The following ENG variants were observed in gnomAD, a reference collection of about 807,000 sequenced individuals.
ENG encodes the protein endoglin.
In ENG, 17 loss-of-function variants were observed where a neutral mutation model predicts 71.0. The observed-to-expected ratio is 0.24, with a 90% CI of 0.16 to 0.36. ENG has a LOEUF of 0.36. Ranked by LOEUF, ENG falls within the 10% of genes least tolerant of loss-of-function variation. The pLI is 1.00. For missense variants in ENG, 749 were observed against 868.3 expected (o/e 0.86, Z 1.73); for synonymous variants, 360 against 366.9 (o/e 0.98, Z 0.21).
rs779974705 is a variant in ENG, at chr9:127,815,901, G to A, written c.1852+42C>T. The A allele has an allele frequency of 5.8e-5, 92 of 1,574,510 alleles. No homozygotes were observed. The Middle Eastern group carries it at 1.4e-3, about 24-fold the overall frequency. The stretch of plus-strand genomic sequence containing the variant: ...TTCACTGGGCTCCCCCGGGTGGATG[G>A]AGGGGCCCGGCATGCTCACTGTGGG... On this transcript the variant is annotated intron_variant, in intron 14 of 14. Coordinates refer to ENST00000373203, the MANE Select transcript of ENG (RefSeq NM_001114753.3).
rs771265683 is a variant in ENG, at chr9:127,817,126, CGA to C, written c.1741+21_1741+22del. 6.8e-6 allele frequency: 11 copies of C among 1,614,070 alleles called. No homozygotes were observed. In the East Asian group the frequency reaches 2.5e-4, roughly 36 times the overall value. Reference sequence around the variant, plus strand: ...GTGACCTCAGCCACTAGAACAAACCCGAGAGACCTGGAGGGAGCTCACCAGAC... The same window carrying C: ...GTGACCTCAGCCACTAGAACAAACCCGAGACCTGGAGGGAGCTCACCAGAC... On this transcript the variant is annotated intron_variant, in intron 13 of 14. Coordinates refer to ENST00000373203, the MANE Select transcript of ENG (RefSeq NM_001114753.3).
At chr9:127,834,493 C>A (rs1830848411) in intron 2 of ENG, among the ~76,000 whole-genome samples, 1 of 152,196 alleles carries the variant, frequency 6.6e-6, no homozygotes, top group South Asian at 2.1e-4. Context: ...CAACCTCCAC[C>A]TCCTGGGTTC....
Position 127,815,494 on chromosome 9 carries a change from C to G in ENG, c.*188G>C. ...TGAAGGTTCTGTGGGGTGGAGGGAC[C>G]CCAAGGTGTTCCAAGCCAGTGGCTG... On this transcript the variant is annotated 3_prime_UTR_variant, in exon 15 of 15. Coordinates refer to ENST00000373203, the MANE Select transcript of ENG (RefSeq NM_001114753.3). 5 of 1,190,826 alleles carry G rather than the reference C, an allele frequency of 4.2e-6. No individual in the cohort carries two copies. The South Asian group carries it at 8.1e-5, about 19-fold the overall frequency. 73.8% of individuals were successfully genotyped at this position (1,190,826 alleles called of 1,614,324 possible).
intron 3 of ENG, among the ~76,000 whole-genome samples, chr9:127,827,920 G>A (rs1484111739): frequency 1.3e-5 from 2 of 150,818 alleles, no homozygotes; most frequent in Non-Finnish European, 2.9e-5. Context: ...TCGGGAGGCT[G>A]AGGCAGGAGA....
At chr9:127,843,345 G>T in intron 1 of ENG, 100 bp from the exon 2 acceptor site, 1 of 1,504,246 alleles carries the variant, frequency 6.6e-7, no homozygotes, top group South Asian at 1.1e-5. Flanking sequence ...TGAGCTAACG[G>T]CTTTCCTGCA....
intron 7 of ENG, 65 bp from the exon 8 acceptor site, chr9:127,824,511 GCTT>G: frequency 4.8e-6 from 5 of 1,032,334 alleles, no homozygotes; most frequent in South Asian, 1.8e-5. Flanking sequence ...CCCGCACCAG[GCTT>G]TTTTTTTTTT....
intron 1 of ENG, among the ~76,000 whole-genome samples, chr9:127,843,830 G>A (rs1435398485): frequency 4.9e-5 from 6 of 123,308 alleles, no homozygotes; most frequent in African/African-American, 1.9e-4. Context: ...GGAGTGCAAT[G>A]GTGTGATCTT....
At chr9:127,820,863 A>G (rs1225238615) in intron 8 of ENG, among the ~76,000 whole-genome samples, 2 of 151,908 alleles carry the variant, frequency 1.3e-5, no homozygotes, top group African/African-American at 4.8e-5. Flanking sequence ...TATTCCTTCA[A>G]GTTCCACATA....
intron 7 of ENG, among the ~76,000 whole-genome samples, 172 bp from the exon 8 acceptor site, chr9:127,824,618 A>G (rs1428714135): frequency 6.8e-6 from 1 of 146,006 alleles, no homozygotes; most frequent in Non-Finnish European, 1.5e-5. Context: ...TCCCAGGTTC[A>G]AGCGATTCTC....
At position 127,830,656 on chromosome 9, in the gene ENG, AAAC is replaced by A. The variant is rs1263341970; in HGVS notation, c.220-832_220-830del. Among the ~76,000 whole-genome samples the A allele has an allele frequency of 2.4e-4, 37 of 152,146 alleles. No individual in the cohort carries two copies. In the East Asian group the frequency reaches 6.4e-3, roughly 26 times the overall value. ...GAATGACGCTCCGTCTCAAAAAAAA[AAAC>A]AAAAAACAAACAAAAAAAAGGGATG... On this transcript the variant is annotated intron_variant, in intron 2 of 14. Coordinates refer to ENST00000373203, the MANE Select transcript of ENG (RefSeq NM_001114753.3).
chr9:127,822,823 C>T (rs1451894959), intron 8 of ENG, among the ~76,000 whole-genome samples: 1 of 152,164 alleles, frequency 6.6e-6, no homozygotes, highest in Non-Finnish European at 1.5e-5. Context: ...CTAATTTTCA[C>T]ATATTTTTTA....
intron 8 of ENG, among the ~76,000 whole-genome samples, chr9:127,823,148 TTC>T (rs1285282457): frequency 6.6e-6 from 1 of 151,786 alleles, no homozygotes; most frequent in East Asian, 1.9e-4. Flanking sequence ...CCAGCATGTG[TTC>T]TTTCATTTTA....
chr9:127,840,699 C>T (rs191854787), intron 2 of ENG, among the ~76,000 whole-genome samples: 10 of 152,278 alleles, frequency 6.6e-5, no homozygotes, highest in Admixed American at 6.5e-4. Flanking sequence ...GGGACAGATC[C>T]AGGACTGAAC....
At chr9:127,835,672 G>A (rs561487585) in intron 2 of ENG, among the ~76,000 whole-genome samples, 10 of 152,258 alleles carry the variant, frequency 6.6e-5, no homozygotes, top group South Asian at 2.1e-4. Flanking sequence ...CTGCTGCTCC[G>A]CCACTGTCCC....
At chr9:127,824,773 A>AGGGAG in intron 7 of ENG, 27 bp downstream of exon 7, 3 of 1,504,970 alleles carry the variant, frequency 2.0e-6, no homozygotes, top group Non-Finnish European at 2.7e-6. Context: ...GGGGAAGGGA[A>AGGGAG]GGGAGGGGCA....
intron 1 of ENG, among the ~76,000 whole-genome samples, chr9:127,847,912 G>C (rs1831209172): frequency 6.6e-6 from 1 of 152,144 alleles, no homozygotes; most frequent in Admixed American, 6.6e-5. Flanking sequence ...TACGATGCCT[G>C]CAGGGTCAAG....
rs1025036058 is a variant in ENG at position 127,836,701 on chromosome 9, G to T, written c.219+6393C>A. 3.3e-5 allele frequency among the ~76,000 whole-genome samples: 5 copies of T among 152,226 alleles called. No homozygotes were observed. In the East Asian group the frequency reaches 9.6e-4, roughly 29 times the overall value. On this transcript the variant is annotated intron_variant, in intron 2 of 14. Coordinates refer to ENST00000373203, the MANE Select transcript of ENG (RefSeq NM_001114753.3). This position sits in a 1 kb window ranked among gnomAD's most constrained non-coding sequence, Gnocchi z 4.0. ...GCCTCAGTTTCCTGATTTGGAAAAT[G>T]GTATTCCCACTTCATTGACTTATGA...
intron 5 of ENG, 42 bp from the exon 6 acceptor site, chr9:127,825,399 G>T (rs1431708371): frequency 1.2e-6 from 2 of 1,604,570 alleles, no homozygotes; most frequent in South Asian, 1.1e-5. Context: ...AAGCGGACAG[G>T]CCAGGCGGGG....
chr9:127,839,226 G>T (rs1301548676), intron 2 of ENG, among the ~76,000 whole-genome samples: 1 of 152,188 alleles, frequency 6.6e-6, no homozygotes, highest in Non-Finnish European at 1.5e-5. Flanking sequence ...TACCAGGGCT[G>T]CTGATGCCAC....
Sources: gnomAD v4.1 joint callset for allele counts (sites outside exome capture counted in the v4.1 genomes callset) on GRCh38, gnomAD v4.1.1 for gene constraint, Gnocchi (gnomAD v3.1) non-coding constraint, MANE v1.5 for transcripts, NCBI Gene and HGNC (gene_info 2026-07-23, HGNC 2026-07-21) for gene names.